The following ARID1B variants were observed in gnomAD, a reference collection of about 807,000 sequenced individuals.
The protein encoded by ARID1B is AT-rich interaction domain 1B.
A neutral mutation model predicts 212.3 loss-of-function variants in ARID1B; 30 were observed. That is an observed-to-expected ratio of 0.14 (90% CI 0.11 to 0.19). ARID1B has a LOEUF of 0.19. Ranked by LOEUF, ARID1B falls within the 10% of genes least tolerant of loss-of-function variation. The pLI, the probability that ARID1B is intolerant of heterozygous loss-of-function variation, is 1.00. For missense variants in ARID1B, 2,891 were observed against 3,204.0 expected, an observed-to-expected ratio of 0.90 and a Z score of 2.36; for synonymous variants, 1,402 against 1,301.7, an observed-to-expected ratio of 1.08 and a Z score of -1.66.
At chr6:156,966,386 C>CTTTTTTTTT (rs1214987532) in intron 4 of ARID1B, among the ~76,000 whole-genome samples, 15 of 38,898 alleles carry the variant, frequency 3.9e-4, no homozygotes, top group Non-Finnish European at 6.8e-4. Context: ...CTTTTCTTTT[C>CTTTTTTTTT]TTTTTTTTTT....
chr6:157,084,516 TA>T, intron 4 of ARID1B, 145 bp from the exon 5 acceptor site: 1 of 989,834 alleles, frequency 1.0e-6, no homozygotes, highest in Non-Finnish European at 1.5e-6. Context: ...TAAAATCTAA[TA>T]AAAAGTGGCC....
chr6:157,004,941 C>T (rs1225773073), intron 4 of ARID1B, among the ~76,000 whole-genome samples: 2 of 89,026 alleles, frequency 2.2e-5, no homozygotes, highest in Admixed American at 3.6e-4. Flanking sequence ...TGAGATGAGC[C>T]TTGCTCTGTT....
chr6:157,143,680 C>T (rs888221997), intron 7 of ARID1B, among the ~76,000 whole-genome samples: 2 of 152,188 alleles, frequency 1.3e-5, no homozygotes, highest in East Asian at 3.8e-4. Context: ...AGTGTCAGAA[C>T]CAGTATTCAC....
At chr6:156,916,662 C>T (rs1290347231) in intron 3 of ARID1B, among the ~76,000 whole-genome samples, 2 of 152,114 alleles carry the variant, frequency 1.3e-5, no homozygotes, top group Admixed American at 1.3e-4. Context: ...GGTCTCGATG[C>T]ATCACATGCA....
intron 4 of ARID1B, among the ~76,000 whole-genome samples, chr6:157,011,710 T>C (rs1779619858): frequency 6.6e-6 from 1 of 152,244 alleles, no homozygotes; most frequent in Admixed American, 6.5e-5. Context: ...GATTTGACTT[T>C]TATTACAAAT....
intron 15 of ARID1B, among the ~76,000 whole-genome samples, chr6:157,192,033 C>G (rs1216425336): frequency 6.6e-6 from 1 of 152,186 alleles, no homozygotes; most frequent in Non-Finnish European, 1.5e-5. Context: ...AGGTAACACT[C>G]ATAAAGCAAG....
chr6:157,135,958 T>G (rs1190196949), intron 7 of ARID1B, among the ~76,000 whole-genome samples: 1 of 150,090 alleles, frequency 6.7e-6, no homozygotes, highest in Non-Finnish European at 1.5e-5. Flanking sequence ...TGCTTCTGGT[T>G]TTGCTTTTTT....
chr6:156,907,993 T>C (rs562421236), intron 3 of ARID1B, among the ~76,000 whole-genome samples: 4 of 152,286 alleles, frequency 2.6e-5, no homozygotes, highest in African/African-American at 9.6e-5. Context: ...TCTGAATGTT[T>C]AGTAAAACTG....
intron 3 of ARID1B, among the ~76,000 whole-genome samples, chr6:156,928,741 T>TTCTGGTAATGCTTGATG (rs1349439790): frequency 6.6e-6 from 1 of 152,206 alleles, no homozygotes; most frequent in African/African-American, 2.4e-5. Context: ...GCCTGTAGGC[T>TTCTGGTAATGCTTGATG]TCTGGTAATG....
intron 5 of ARID1B, among the ~76,000 whole-genome samples, chr6:157,091,068 A>G (rs1785246305): frequency 6.6e-6 from 1 of 152,200 alleles, no homozygotes; most frequent in Non-Finnish European, 1.5e-5. Flanking sequence ...CTGTCCTTTG[A>G]AAAGGATCAC....
At chr6:156,835,670 A>G (rs576166704) in intron 2 of ARID1B, among the ~76,000 whole-genome samples, 2 of 152,342 alleles carry the variant, frequency 1.3e-5, no homozygotes, top group African/African-American at 4.8e-5. Context: ...TGTATTTTAC[A>G]TATAGACTTT....
intron 4 of ARID1B, among the ~76,000 whole-genome samples, chr6:156,970,195 C>T (rs1299023988): frequency 1.3e-5 from 2 of 152,112 alleles, no homozygotes; most frequent in Non-Finnish European, 2.9e-5. Context: ...ATTCTCCTGC[C>T]TCAGCCTCCT....
rs186249955 is a variant in ARID1B, at chr6:156,875,720, G to A, written c.1987-25656G>A. ...AAAGAAGTGGCAAAGAAAGCTGCGC[G>A]TATTAAGTATGTTTTCTTTGTCTTA... On this transcript the variant is annotated intron_variant, in intron 2 of 19. Coordinates refer to ENST00000636930, the MANE Select transcript of ARID1B (RefSeq NM_001374828.1). Among the ~76,000 whole-genome samples the A allele has an allele frequency of 3.5e-3, 535 of 152,304 alleles. 3 individuals are homozygous for A. The highest frequency in any genetic ancestry group is 6.8e-3 in the Middle Eastern group (2 of 294).
At position 157,079,099 on chromosome 6, in the gene ARID1B, T is replaced by C. The variant is rs556671881; in HGVS notation, c.2248-5563T>C. 9.8e-5 allele frequency among the ~76,000 whole-genome samples: 15 copies of C among 152,300 alleles called. No homozygotes were observed. The South Asian group carries it at 3.1e-3, about 32-fold the overall frequency. ...TACTGTCACATAATGAGAAAATAAA[T>C]ACATATTTGGACATGATTAAATAAA... On this transcript the variant is annotated intron_variant, in intron 4 of 19. Transcript: ENST00000636930.
intron 3 of ARID1B, among the ~76,000 whole-genome samples, chr6:156,913,947 C>T (rs1388392081): frequency 1.3e-5 from 2 of 149,770 alleles, no homozygotes; most frequent in Non-Finnish European, 3.0e-5. Flanking sequence ...TCCCCAACGA[C>T]CAGCCCATCC....
chr6:156,962,449 A>G (rs775022711), intron 4 of ARID1B, among the ~76,000 whole-genome samples: 15 of 151,978 alleles, frequency 9.9e-5, no homozygotes, highest in Admixed American at 2.0e-4. Flanking sequence ...GCCTGTGTCT[A>G]TTTCTTTTCT....
At chr6:156,856,558 G>A (rs1391583822) in intron 2 of ARID1B, among the ~76,000 whole-genome samples, 1 of 152,126 alleles carries the variant, frequency 6.6e-6, no homozygotes, top group Non-Finnish European at 1.5e-5. Context: ...GCTCCATGCT[G>A]CCTCCCTGCA....
Position 156,935,454 on chromosome 6 carries a change from G to A in ARID1B, c.2137-12G>A. On this transcript the variant is annotated splice_polypyrimidine_tract_variant and intron_variant, in intron 3 of 19. Coordinates refer to ENST00000636930, the MANE Select transcript of ARID1B (RefSeq NM_001374828.1). ...TATTTATGAAGTGCTTTGTGTTTGT[G>A]TTTTTTTTTAGGACATGTCTCAGGA... is the stretch of plus-strand genomic sequence containing the variant. 1.9e-6 allele frequency: 3 copies of A among 1,553,776 alleles called. No homozygotes were observed. Among genetic ancestry groups the A allele is most frequent in the Non-Finnish European group, 2.6e-6 (3 of 1,133,590 alleles).
chr6:156,924,923 C>T (rs544341212), intron 3 of ARID1B, among the ~76,000 whole-genome samples: 58 of 152,278 alleles, frequency 3.8e-4, no homozygotes, highest in South Asian at 8.3e-4. Context: ...TTTAGTCTTG[C>T]CTATCATTAT....
Sources: gnomAD v4.1 joint callset for allele counts (sites outside exome capture counted in the v4.1 genomes callset) on GRCh38, gnomAD v4.1.1 for gene constraint, MANE v1.5 for transcripts, NCBI Gene and HGNC (gene_info 2026-07-23, HGNC 2026-07-21) for gene names.